The following DTNA variants were observed in gnomAD, a reference collection of about 807,000 sequenced individuals.
DTNA encodes dystrobrevin alpha.
In DTNA, 43 loss-of-function variants were observed where a neutral mutation model predicts 100.7. That is an observed-to-expected ratio of 0.43 (90% CI 0.33 to 0.55). The LOEUF (loss-of-function observed/expected upper bound fraction) is 0.55, where lower values mean the gene tolerates loss of function less well. DTNA is among the 20% of genes least tolerant of loss of function. The probability of loss-of-function intolerance (pLI) is 0.04; values close to 1 mark genes in which losing one functional copy is unlikely to be tolerated. For missense variants in DTNA, 798 were observed against 953.9 expected, an observed-to-expected ratio of 0.84 and a Z score of 2.15; for synonymous variants, 349 against 347.9, an observed-to-expected ratio of 1.00 and a Z score of -0.04.
intron 21 of DTNA, among the ~76,000 whole-genome samples, chr18:34,883,910 A>G (rs1458485767): frequency 6.6e-6 from 1 of 152,222 alleles, no homozygotes; most frequent in Non-Finnish European, 1.5e-5. Context: ...AAAGAAAAAC[A>G]TAAGTGACTC....
At chr18:34,821,608 G>C (rs1193403075) in intron 9 of DTNA, 1 of 415,758 alleles carries the variant, frequency 2.4e-6, no homozygotes, top group Non-Finnish European at 4.7e-6. Flanking sequence ...GGCTTAGGTA[G>C]AAGAAACAAT....
rs751466036 is a variant in DTNA at position 34,866,063 on chromosome 18, A to G, written c.1743+2001A>G. ...TCCTTCACACTGTGTACATGCTCTT[A>G]TTGGAACCCTGGGTAATCTAACTGT... On this transcript the variant is annotated intron_variant, in intron 17 of 22. Coordinates refer to ENST00000444659, the MANE Select transcript of DTNA (RefSeq NM_001386795.1). 3.1e-6 allele frequency: 5 copies of G among 1,607,846 alleles called. No individual in the cohort carries two copies. In the Admixed American group the frequency reaches 5.0e-5, roughly 16 times the overall value.
intron 1 of DTNA, among the ~76,000 whole-genome samples, chr18:34,524,432 A>G (rs1261632376): frequency 6.6e-6 from 1 of 152,154 alleles, no homozygotes; most frequent in Non-Finnish European, 1.5e-5. Flanking sequence ...AAGGCTGATA[A>G]TGAAATTTTC....
intron 17 of DTNA, chr18:34,867,898 A>C: frequency 4.1e-6 from 4 of 985,432 alleles, no homozygotes; most frequent in Non-Finnish European, 4.8e-6. Flanking sequence ...GTACCCAAGG[A>C]CCAGGGCCCA....
chr18:34,866,989 A>C (rs1002948555), intron 17 of DTNA: 1 of 1,211,866 alleles, frequency 8.3e-7, no homozygotes, highest in Non-Finnish European at 1.0e-6. Context: ...TCAAAAAAAA[A>C]AACAAATTAA....
intron 1 of DTNA, among the ~76,000 whole-genome samples, chr18:34,662,371 A>G (rs1395333728): frequency 6.6e-6 from 1 of 152,172 alleles, no homozygotes; most frequent in Non-Finnish European, 1.5e-5. Flanking sequence ...CTTTGGAAAT[A>G]CCTGCTTCCC....
At chr18:34,806,049 G>C (rs2095352068) in intron 4 of DTNA, among the ~76,000 whole-genome samples, 170 bp from the exon 5 acceptor site, 1 of 152,168 alleles carries the variant, frequency 6.6e-6, no homozygotes, top group Non-Finnish European at 1.5e-5. Flanking sequence ...GCATTGAATT[G>C]TTTTCACAAC....
chr18:34,525,048 TCAGA>T (rs768052129), intron 1 of DTNA, among the ~76,000 whole-genome samples: 1 of 152,124 alleles, frequency 6.6e-6, no homozygotes, highest in Non-Finnish European at 1.5e-5. Context: ...TTGAAAGAAA[TCAGA>T]CAAATTTTTG....
At chr18:34,862,124 CAAAAAAA>C (rs1002538086) in intron 16 of DTNA, among the ~76,000 whole-genome samples, 10 of 56,266 alleles carry the variant, frequency 1.8e-4, no homozygotes, top group African/African-American at 3.5e-4. Context: ...CAGACAAGGT[CAAAAAAA>C]AAAAAAAAAA....
intron 1 of DTNA, among the ~76,000 whole-genome samples, chr18:34,565,772 T>C (rs1249336376): frequency 1.3e-5 from 2 of 152,236 alleles, no homozygotes; most frequent in Admixed American, 1.3e-4. Context: ...AACTTAATTA[T>C]GTCTATAAAG....
At chr18:34,800,080 G>T (rs1411574743) in intron 4 of DTNA, among the ~76,000 whole-genome samples, 1 of 152,082 alleles carries the variant, frequency 6.6e-6, no homozygotes, top group African/African-American at 2.4e-5. Flanking sequence ...TCACATAACT[G>T]CACAATCTAA....
chr18:34,735,096 A>G (rs1409037773), intron 1 of DTNA, among the ~76,000 whole-genome samples: 1 of 152,150 alleles, frequency 6.6e-6, no homozygotes, highest in Admixed American at 6.6e-5. Flanking sequence ...ACACTCACAT[A>G]TATATACATG....
At chr18:34,532,531 T>C (rs1449907701) in intron 1 of DTNA, among the ~76,000 whole-genome samples, 1 of 151,964 alleles carries the variant, frequency 6.6e-6, no homozygotes, top group African/African-American at 2.4e-5. Flanking sequence ...TTGAAGTTTG[T>C]TGTTTTGGTT....
chr18:34,642,937 GA>G (rs1341932122), intron 1 of DTNA, among the ~76,000 whole-genome samples: 19 of 152,152 alleles, frequency 1.2e-4, no homozygotes, highest in African/African-American at 4.6e-4. Flanking sequence ...GACCCTCCCA[GA>G]AATGTCACAG....
intron 1 of DTNA, among the ~76,000 whole-genome samples, chr18:34,721,548 A>C (rs2085323663): frequency 6.6e-6 from 1 of 152,210 alleles, no homozygotes. Context: ...GTTCTTTTTA[A>C]CTTAAGAAAA....
At chr18:34,579,185 T>C (rs2048386772) in intron 1 of DTNA, among the ~76,000 whole-genome samples, 1 of 152,170 alleles carries the variant, frequency 6.6e-6, no homozygotes, top group African/African-American at 2.4e-5. Context: ...ATTTACTTGC[T>C]GTCCTTTGCT....
intron 3 of DTNA, among the ~76,000 whole-genome samples, chr18:34,780,181 G>T (rs1367822986): frequency 2.0e-5 from 3 of 152,160 alleles, no homozygotes; most frequent in Admixed American, 1.3e-4. Flanking sequence ...TAGGACGTCT[G>T]CTTTATCTCC....
At chr18:34,532,444 G>A (rs952030644) in intron 1 of DTNA, among the ~76,000 whole-genome samples, 11 of 152,084 alleles carry the variant, frequency 7.2e-5, no homozygotes, top group Admixed American at 7.2e-4. Context: ...TAGCTCAGTT[G>A]AGATCATTCT....
chr18:34,630,460 G>T (rs1297876331), intron 1 of DTNA, among the ~76,000 whole-genome samples: 1 of 152,152 alleles, frequency 6.6e-6, no homozygotes, highest in Non-Finnish European at 1.5e-5. Flanking sequence ...TACTGTGAGG[G>T]TTAGTCAGCG....
Sources: allele counts gnomAD v4.1 joint callset (sites outside exome capture counted in the v4.1 genomes callset), GRCh38; gene constraint gnomAD v4.1.1; transcripts MANE v1.5; gene names NCBI Gene and HGNC (gene_info 2026-07-23, HGNC 2026-07-21).